Variants in FRMD4A observed in about 807,000 individuals in gnomAD.
FRMD4A encodes the protein FERM domain-containing protein 4A.
Under a neutral mutation model 129.1 loss-of-function variants are expected in FRMD4A, and 29 were observed. The ratio of observed to expected loss-of-function variants is 0.22; its 90% CI spans 0.17 to 0.31. FRMD4A has a LOEUF of 0.31. Ranked by LOEUF, FRMD4A falls within the 10% of genes least tolerant of loss-of-function variation. The pLI is 1.00. For synonymous variants in FRMD4A, 634 were observed against 571.6 expected (o/e 1.11, Z -1.56); for missense variants, 1,272 against 1,375.8 (o/e 0.92, Z 1.19).
At position 13,997,624 on chromosome 10, in the gene FRMD4A, CT is replaced by C. The variant is rs775846641; in HGVS notation, c.46-138713del. 8.2e-3 allele frequency among the ~76,000 whole-genome samples: 704 copies of C among 86,166 alleles called. 3 individuals are homozygous for C. The highest frequency in any genetic ancestry group is 0.015 in the African/African-American group (431 of 29,162). The allele number at this position is 86,166 out of a possible 152,430, so 56.5% of individuals were successfully genotyped here. On this transcript the variant is annotated intron_variant, in intron 2 of 24. Coordinates refer to ENST00000357447, the MANE Select transcript of FRMD4A (RefSeq NM_018027.5). ...CATGGCAATTCTTTTCTTTTCTTTT[CT>C]TTTTTTTTTTTTTTTGAGATAATAT... is the stretch of plus-strand genomic sequence containing the variant.
chr10:14,065,864 C>CA (rs1360293964), intron 2 of FRMD4A, among the ~76,000 whole-genome samples: 4 of 152,160 alleles, frequency 2.6e-5, no homozygotes, highest in Non-Finnish European at 2.9e-5. Flanking sequence ...AAGGGGGTCA[C>CA]AGCATTCTTC....
At chr10:13,878,782 GAGAGAGAA>G (rs973783338) in intron 2 of FRMD4A, among the ~76,000 whole-genome samples, 2 of 136,656 alleles carry the variant, frequency 1.5e-5, no homozygotes, top group Non-Finnish European at 3.1e-5. Flanking sequence ...AAGAGAGAGA[GAGAGAGAA>G]AGAGAGAAGG....
intron 23 of FRMD4A, 97 bp downstream of exon 23, chr10:13,654,319 T>C (rs2081949652): frequency 2.4e-6 from 2 of 845,630 alleles, no homozygotes; most frequent in Non-Finnish European, 4.1e-6. Flanking sequence ...TGAACCCTCA[T>C]CATCCATTTA....
At chr10:14,193,663 G>A (rs1235551211) in intron 2 of FRMD4A, among the ~76,000 whole-genome samples, 1 of 149,326 alleles carries the variant, frequency 6.7e-6, no homozygotes, top group African/African-American at 2.5e-5. Context: ...TTGCAGTAGG[G>A]ACCAGCAGTG....
rs375127297 is a variant in FRMD4A, at chr10:13,924,053, CA to C, written c.46-65142del. On this transcript the variant is annotated intron_variant, in intron 2 of 24. Coordinates refer to ENST00000357447, the MANE Select transcript of FRMD4A (RefSeq NM_018027.5). Reference sequence around the variant, plus strand: ...GGGAGAGGCAGTGGAGGCTGCAATTCAGCTGCGCATCTAAAGTTAAGAAGAA... The same window carrying C: ...GGGAGAGGCAGTGGAGGCTGCAATTCGCTGCGCATCTAAAGTTAAGAAGAA... 4.6e-5 allele frequency among the ~76,000 whole-genome samples: 7 copies of C among 152,324 alleles called. 1 individual carries two copies. The highest frequency in any genetic ancestry group is 3.4e-3 in the Middle Eastern group (1 of 294).
intron 2 of FRMD4A, among the ~76,000 whole-genome samples, chr10:14,251,343 A>G (rs192004861): frequency 6.6e-6 from 1 of 152,274 alleles, no homozygotes; most frequent in East Asian, 1.9e-4. Flanking sequence ...CTGCTATGTC[A>G]TGAGGCACCT....
At chr10:13,998,118 G>A (rs1015802443) in intron 2 of FRMD4A, among the ~76,000 whole-genome samples, 1 of 152,046 alleles carries the variant, frequency 6.6e-6, no homozygotes, top group African/African-American at 2.4e-5. Flanking sequence ...CTAAGCTTTG[G>A]AGTGGCTTCA....
intron 2 of FRMD4A, among the ~76,000 whole-genome samples, chr10:13,972,579 C>T (rs1033507515): frequency 6.6e-6 from 1 of 152,006 alleles, no homozygotes; most frequent in African/African-American, 2.4e-5. Flanking sequence ...TCCTATAAAC[C>T]GTCTTGCTAT....
intron 2 of FRMD4A, among the ~76,000 whole-genome samples, chr10:14,146,548 G>C (rs888703805): frequency 1.3e-5 from 2 of 152,182 alleles, no homozygotes; most frequent in Non-Finnish European, 2.9e-5. Flanking sequence ...CACGTGAAGG[G>C]AAAACTGATG....
chr10:13,693,034 ATTTTTT>A (rs71503094), intron 15 of FRMD4A: 21 of 32,008 alleles, frequency 6.6e-4, no homozygotes, highest in Middle Eastern at 0.016. Flanking sequence ...TGGCTAATTA[ATTTTTT>A]TTTTTTTTTT....
At chr10:14,164,501 T>C (rs1330795842) in intron 2 of FRMD4A, among the ~76,000 whole-genome samples, 1 of 152,152 alleles carries the variant, frequency 6.6e-6, no homozygotes, top group Non-Finnish European at 1.5e-5. Context: ...ATACATGAAC[T>C]TGTGGGTTAA....
At chr10:13,690,493 G>A (rs1222746097) in intron 15 of FRMD4A, among the ~76,000 whole-genome samples, 1 of 152,204 alleles carries the variant, frequency 6.6e-6, no homozygotes, top group East Asian at 1.9e-4. Flanking sequence ...TTTGCAGTGC[G>A]TCCCCCCACT....
At chr10:14,325,274 C>T (rs1339160034) in intron 2 of FRMD4A, among the ~76,000 whole-genome samples, 3 of 152,174 alleles carry the variant, frequency 2.0e-5, no homozygotes, top group Admixed American at 6.5e-5. Context: ...TCAGATTAGA[C>T]CTCTCACAGG....
At chr10:13,985,613 A>G (rs963919272) in intron 2 of FRMD4A, among the ~76,000 whole-genome samples, 4 of 152,186 alleles carry the variant, frequency 2.6e-5, no homozygotes, top group African/African-American at 9.6e-5. Flanking sequence ...GGTTAGCAAA[A>G]GCCAGCCATG....
chr10:14,259,417 C>T (rs1844724465), intron 2 of FRMD4A, among the ~76,000 whole-genome samples: 1 of 152,014 alleles, frequency 6.6e-6, no homozygotes, highest in Non-Finnish European at 1.5e-5. Flanking sequence ...CCTGTCAGTT[C>T]TCATTTATAA....
intron 24 of FRMD4A, among the ~76,000 whole-genome samples, chr10:13,650,124 A>G (rs770231195): frequency 6.6e-6 from 1 of 152,240 alleles, no homozygotes; most frequent in African/African-American, 2.4e-5. Flanking sequence ...CAGATGGCAA[A>G]TTCACCCACA....
intron 4 of FRMD4A, among the ~76,000 whole-genome samples, chr10:13,804,523 T>TTCTTTC (rs1554907205): frequency 6.8e-6 from 1 of 146,666 alleles, no homozygotes; most frequent in African/African-American, 2.6e-5. Flanking sequence ...AGTCAGGACT[T>TTCTTTC]TTTCTTTCTT....
chr10:13,891,278 C>T (rs2094693042), intron 2 of FRMD4A, among the ~76,000 whole-genome samples: 1 of 152,028 alleles, frequency 6.6e-6, no homozygotes, highest in Non-Finnish European at 1.5e-5. Context: ...GAAAGGGCTC[C>T]CCTGGCACTC....
chr10:13,939,423 T>C (rs1279884760), intron 2 of FRMD4A, among the ~76,000 whole-genome samples: 1 of 152,234 alleles, frequency 6.6e-6, no homozygotes, highest in Non-Finnish European at 1.5e-5. Flanking sequence ...CCAGCATAAC[T>C]GCCAATGCTT....
Sources: gnomAD v4.1 joint callset for allele counts (sites outside exome capture counted in the v4.1 genomes callset) on GRCh38, gnomAD v4.1.1 for gene constraint, MANE v1.5 for transcripts, NCBI Gene and HGNC (gene_info 2026-07-23, HGNC 2026-07-21) for gene names.